The following RSPH3 variants were observed in gnomAD, a reference collection of about 807,000 sequenced individuals.
The protein encoded by RSPH3 is radial spoke head protein 3 homolog.
A neutral mutation model predicts 43.8 loss-of-function variants in RSPH3; 21 were observed. The observed-to-expected ratio is 0.48, with a 90% confidence interval of 0.34 to 0.69. The LOEUF is 0.69. RSPH3 is among the 30% of genes least tolerant of loss of function. The pLI is 0.01. For missense variants in RSPH3, 487 were observed against 516.0 expected (o/e 0.94, Z 0.54); for synonymous variants, 173 against 179.8 (o/e 0.96, Z 0.30).
Position 158,976,184 on chromosome 6 carries a change from A to G in RSPH3, c.*1354T>C, listed in dbSNP as rs532189738. 68 of 152,328 alleles carry G rather than the reference A, an allele frequency of 4.5e-4. 1 individual carries two copies. Among genetic ancestry groups the G allele is most frequent in the African/African-American group, 1.6e-3 (67 of 41,560 alleles). The allele number at this position is 152,328 out of a possible 1,614,324, so 9.4% of individuals were successfully genotyped here. On this transcript the variant is annotated 3_prime_UTR_variant, in exon 8 of 8. Transcript: ENST00000367069. ...GGTGTCAGAGTGAGACCTTGTCTCC[A>G]AAAAATAAAAATAAAAATAAGTAAA... is the stretch of plus-strand genomic sequence containing the variant.
intron 2 of RSPH3, 37 bp downstream of exon 2, chr6:158,993,802 T>G: frequency 8.8e-7 from 1 of 1,133,206 alleles, no homozygotes; most frequent in Non-Finnish European, 1.3e-6. Flanking sequence ...ATAGATAATG[T>G]GAGAACACGG....
chr6:158,963,321 CTCTT>C, the RSPH3 span, among the ~76,000 whole-genome samples: 64 of 144,126 alleles, frequency 4.4e-4, no homozygotes, highest in East Asian at 1.3e-3. Context: ...TCCCTCCTCT[CTCTT>C]TCCTTCCTTC....
At chr6:158,999,248 C>T (rs1233241745) in intron 1 of RSPH3, among the ~76,000 whole-genome samples, 187 bp downstream of exon 1, 1 of 146,928 alleles carries the variant, frequency 6.8e-6, no homozygotes, top group Admixed American at 6.9e-5. Flanking sequence ...TGATGCCCAA[C>T]CCATGCCCCT....
downstream of RSPH3, among the ~76,000 whole-genome samples, chr6:158,971,665 T>G (rs1352410189): frequency 6.6e-6 from 1 of 152,222 alleles, no homozygotes; most frequent in Non-Finnish European, 1.5e-5. Context: ...ATAGCCTAGT[T>G]GGTTAGCAAC....
At chr6:158,990,180 C>T (rs1778360131) in intron 2 of RSPH3, among the ~76,000 whole-genome samples, 1 of 151,988 alleles carries the variant, frequency 6.6e-6, no homozygotes. Context: ...AATAAACTCT[C>T]CTTTATATAT....
At chr6:158,998,297 C>CAAAAAAA (rs71297000) in intron 1 of RSPH3, among the ~76,000 whole-genome samples, 17 of 53,918 alleles carry the variant, frequency 3.2e-4, no homozygotes, top group East Asian at 6.0e-4. Context: ...TAAAAAAATA[C>CAAAAAAA]AAAAAAAAAA....
At chr6:158,985,877 G>C (rs113512146) in intron 3 of RSPH3, among the ~76,000 whole-genome samples, 1 of 148,838 alleles carries the variant, frequency 6.7e-6, no homozygotes, top group Non-Finnish European at 1.5e-5. Flanking sequence ...GCAATGGTGC[G>C]ATCTCGGCTT....
chr6:158,968,028 A>C (rs907790040), downstream of RSPH3, among the ~76,000 whole-genome samples: 1 of 152,154 alleles, frequency 6.6e-6, no homozygotes, highest in African/African-American at 2.4e-5. Context: ...CATTCTGGCA[A>C]TCTTTGCCTT....
Position 158,978,293 on chromosome 6 carries a change from C to T in RSPH3, c.913G>A (p.Glu305Lys). The change falls in exon 7 of 8, where the codon GAA (glutamate) becomes AAA (lysine). Residue 305 changes from glutamate to lysine, a missense_variant. Coordinates refer to ENST00000367069, the MANE Select transcript of RSPH3 (RefSeq NM_031924.8). ...ACTGTTCTTCCCACCATGCTATATT[C>T]CATGGTTTTTTCAACTTCATTCATT... ...WLMNEVEKTM[E>K]YSMVGRTVLD... 1 of 1,585,794 alleles carries T rather than the reference C, an allele frequency of 6.3e-7. No individual in the cohort carries two copies.
rs77099189 is a variant in RSPH3, at chr6:158,989,764, C to T, written c.205-3343G>A. On this transcript the variant is annotated intron_variant, in intron 2 of 7. Coordinates refer to ENST00000367069, the MANE Select transcript of RSPH3 (RefSeq NM_031924.8). This position sits in a 1 kb window ranked among gnomAD's most constrained non-coding sequence, Gnocchi z 4.3. The stretch of plus-strand genomic sequence containing the variant: ...CTAGTTGTCCACCTTGATCTTTTTC[C>T]AGTGCAGAAATCACAAGTCAGAGAT... Among the ~76,000 whole-genome samples, 2,707 of 152,258 alleles carry T rather than the reference C, an allele frequency of 0.018. 33 individuals carry two copies. The highest frequency in any genetic ancestry group is 0.024 in the Middle Eastern group (7 of 294).
rs1778772780 is a variant in RSPH3 at position 158,999,433 on chromosome 6, A to G, written c.116+2T>C. ...CACACAGGGGCTGGCTTGGTCACTC[A>G]CGGCTGCGTCAGGCTGTCCCGGTAA... On this transcript the variant is annotated splice_donor_variant, in intron 1 of 7. Coordinates refer to ENST00000367069, the MANE Select transcript of RSPH3 (RefSeq NM_031924.8). LOFTEE classifies it high-confidence loss of function. 6.7e-7 allele frequency: 1 copy of G among 1,501,292 alleles called. No homozygotes were observed. Among genetic ancestry groups the G allele is most frequent in the African/African-American group, 1.4e-5 (1 of 71,576 alleles). The allele number at this position is 1,501,292 out of a possible 1,614,324, so 93.0% of individuals were successfully genotyped here.
chr6:158,988,968 T>C (rs1473596902), intron 2 of RSPH3, among the ~76,000 whole-genome samples: 2 of 152,172 alleles, frequency 1.3e-5, no homozygotes, highest in African/African-American at 4.8e-5. Flanking sequence ...GACGTCTATG[T>C]CTCTGCACTG....
In RSPH3 at chr6:158,981,590, C is replaced by A. The variant is rs537079624; in HGVS notation, c.697-654G>T. Among the ~76,000 whole-genome samples the A allele has an allele frequency of 2.1e-3, 322 of 152,274 alleles. 2 individuals are homozygous for A. Among genetic ancestry groups the A allele is most frequent in the African/African-American group, 7.4e-3 (307 of 41,566 alleles). ...ATTTTTTGATAAAGACTTCACGACTCATTTCAACAAAGTTTATTTTGCCAC... is the reference window on the plus strand; with the variant it reads ...ATTTTTTGATAAAGACTTCACGACTAATTTCAACAAAGTTTATTTTGCCAC... On this transcript the variant is annotated intron_variant, in intron 5 of 7. Transcript: ENST00000367069.
At chr6:158,981,535 AAT>A (rs1418842991) in intron 5 of RSPH3, among the ~76,000 whole-genome samples, 20 of 151,614 alleles carry the variant, frequency 1.3e-4, no homozygotes, top group Non-Finnish European at 2.5e-4. Flanking sequence ...AGTTTTCCAT[AAT>A]ATGTTTCCAA....
chr6:158,981,211 T>A (rs1406791706), intron 5 of RSPH3, among the ~76,000 whole-genome samples: 1 of 152,174 alleles, frequency 6.6e-6, no homozygotes, highest in Non-Finnish European at 1.5e-5. Flanking sequence ...GTATAGATGG[T>A]AGCAAAAAGA....
chr6:158,988,045 T>A (rs1421531521), intron 2 of RSPH3: 1 of 152,262 alleles, frequency 6.6e-6, no homozygotes, highest in Non-Finnish European at 1.5e-5. Context: ...TCAACACTTC[T>A]TGTAAGATGG....
chr6:158,966,510 T>G, the RSPH3 span, among the ~76,000 whole-genome samples: 4 of 152,294 alleles, frequency 2.6e-5, no homozygotes, highest in African/African-American at 9.6e-5. Flanking sequence ...TTGTTACAGA[T>G]CTATTCAGGT....
At chr6:158,966,873 T>C in the RSPH3 span, among the ~76,000 whole-genome samples, 1 of 152,156 alleles carries the variant, frequency 6.6e-6, no homozygotes, top group African/African-American at 2.4e-5. Flanking sequence ...TGCATTTATT[T>C]TCCTCTTCTT....
chr6:158,972,396 G>C (rs2128603804), downstream of RSPH3, among the ~76,000 whole-genome samples: 1 of 152,196 alleles, frequency 6.6e-6, no homozygotes, highest in Non-Finnish European at 1.5e-5. Flanking sequence ...AACATTTTAA[G>C]AGTCTGGCAC....
Sources: allele counts gnomAD v4.1 joint callset (sites outside exome capture counted in the v4.1 genomes callset), GRCh38; gene constraint gnomAD v4.1.1; non-coding constraint Gnocchi (gnomAD v3.1); transcripts MANE v1.5; gene names NCBI Gene and HGNC (gene_info 2026-07-23, HGNC 2026-07-21).